The following GRXCR2 variants were observed in gnomAD, a reference collection of about 807,000 sequenced individuals.
The protein encoded by GRXCR2 is glutaredoxin domain-containing cysteine-rich protein 2.
Under a neutral mutation model 24.8 loss-of-function variants are expected in GRXCR2, and 23 were observed. The ratio of observed to expected loss-of-function variants is 0.93; its 90% CI spans 0.67 to 1.32. The LOEUF (loss-of-function observed/expected upper bound fraction) is 1.32. GRXCR2 is among the 40% of genes most tolerant of loss of function. The probability of loss-of-function intolerance (pLI) is 0.00; values close to 1 mark genes in which losing one functional copy is unlikely to be tolerated. For synonymous variants in GRXCR2, 130 were observed against 116.1 expected, an observed-to-expected ratio of 1.12 and a Z score of -0.77; for missense variants, 315 against 303.4, an observed-to-expected ratio of 1.04 and a Z score of -0.28.
chr5:145,867,545 TG>T (rs1756457772), intron 1 of GRXCR2, among the ~76,000 whole-genome samples: 9 of 152,230 alleles, frequency 5.9e-5, no homozygotes, highest in African/African-American at 2.4e-5. Flanking sequence ...ATTTGTCATG[TG>T]TTACTTAATC....
At chr5:145,902,610 G>A (rs547977616) in intron 2 of GRXCR2, among the ~76,000 whole-genome samples, 2 of 152,304 alleles carry the variant, frequency 1.3e-5, no homozygotes, top group East Asian at 1.9e-4. Flanking sequence ...GTGTGCTCAA[G>A]ACATGCAAAG....
intron 2 of GRXCR2, among the ~76,000 whole-genome samples, chr5:145,888,827 A>G (rs548807788): frequency 2.6e-5 from 4 of 152,294 alleles, no homozygotes; most frequent in African/African-American, 9.6e-5. Context: ...GTATAGCTTT[A>G]CAACTTCATT....
intron 2 of GRXCR2, among the ~76,000 whole-genome samples, chr5:145,916,691 C>A (rs1757246036): frequency 6.6e-6 from 1 of 152,130 alleles, no homozygotes; most frequent in Non-Finnish European, 1.5e-5. Flanking sequence ...AGCTATCAGG[C>A]CTGGGTTCAA....
intron 2 of GRXCR2, among the ~76,000 whole-genome samples, chr5:145,921,221 G>A (rs545636999): frequency 1.3e-4 from 20 of 152,276 alleles, no homozygotes; most frequent in South Asian, 4.1e-4. Context: ...TTTAAATCCT[G>A]TTTAGTCTGT....
At chr5:145,905,828 G>A (rs1472349314) in intron 2 of GRXCR2, among the ~76,000 whole-genome samples, 1 of 152,136 alleles carries the variant, frequency 6.6e-6, no homozygotes, top group African/African-American at 2.4e-5. Flanking sequence ...CTTAATAAGT[G>A]TTATAGATGT....
chr5:145,862,782 A>G (rs1385976207), intron 2 of GRXCR2, among the ~76,000 whole-genome samples: 1 of 152,180 alleles, frequency 6.6e-6, no homozygotes, highest in Non-Finnish European at 1.5e-5. Flanking sequence ...ACTGGCTCTA[A>G]TGATCTCTGG....
intron 2 of GRXCR2, among the ~76,000 whole-genome samples, chr5:145,927,592 G>T (rs995136265): frequency 2.0e-5 from 3 of 152,140 alleles, no homozygotes; most frequent in African/African-American, 7.2e-5. Context: ...CTTGATCATG[G>T]TAGATAAGCT....
intron 2 of GRXCR2, among the ~76,000 whole-genome samples, chr5:145,893,724 C>A (rs972954807): frequency 6.6e-6 from 1 of 152,110 alleles, no homozygotes. Context: ...GACAGATCAA[C>A]AAGACATAAA....
chr5:145,862,637 G>C (rs1756358959), intron 2 of GRXCR2, among the ~76,000 whole-genome samples: 1 of 152,126 alleles, frequency 6.6e-6, no homozygotes. Context: ...CCATGACCAA[G>C]AAGAGGGGCC....
upstream of GRXCR2, among the ~76,000 whole-genome samples, chr5:145,875,650 A>G (rs545193307): frequency 3.9e-5 from 6 of 152,296 alleles, no homozygotes; most frequent in South Asian, 1.2e-3. Flanking sequence ...TTCCCTGTGT[A>G]ACTGGTACAG....
chr5:145,902,599 T>C (rs376807089), intron 2 of GRXCR2, among the ~76,000 whole-genome samples: 1 of 152,196 alleles, frequency 6.6e-6, no homozygotes, highest in Non-Finnish European at 1.5e-5. Context: ...AGGGGGTAGA[T>C]GTGTGCTCAA....
intron 1 of GRXCR2, among the ~76,000 whole-genome samples, chr5:145,867,500 G>A (rs1180236180): frequency 4.6e-5 from 7 of 152,174 alleles, no homozygotes; most frequent in Non-Finnish European, 4.4e-5. Flanking sequence ...GACTTCTAAA[G>A]CATCATTATT....
At chr5:145,923,169 C>A (rs1266705871) in intron 2 of GRXCR2, among the ~76,000 whole-genome samples, 1 of 152,158 alleles carries the variant, frequency 6.6e-6, no homozygotes, top group Non-Finnish European at 1.5e-5. Context: ...CTGGATGGGG[C>A]CTATGCACTT....
At chr5:145,905,605 GA>G (rs1156591911) in intron 2 of GRXCR2, among the ~76,000 whole-genome samples, 30 of 152,194 alleles carry the variant, frequency 2.0e-4, no homozygotes, top group African/African-American at 7.0e-4. Flanking sequence ...GCTGCTTCAA[GA>G]GAGGAAATAA....
rs556716656 is a variant in GRXCR2, at chr5:145,864,563, C to G, written c.564+1938G>C. Among the ~76,000 whole-genome samples the G allele has an allele frequency of 4.3e-3, 650 of 152,176 alleles. 5 individuals are homozygous for G. The highest frequency in any genetic ancestry group is 7.0e-3 in the Non-Finnish European group (475 of 68,010). On this transcript the variant is annotated intron_variant, in intron 2 of 2. Transcript: ENST00000377976. ...GGGGCAGTTTCCCTCATGCTGTTCT[C>G]GTGATAAGTGAGTTCTCACCAGAGC... is the stretch of plus-strand genomic sequence containing the variant.
chr5:145,922,452 A>G (rs1024902383), intron 2 of GRXCR2, among the ~76,000 whole-genome samples: 1 of 152,186 alleles, frequency 6.6e-6, no homozygotes, highest in Non-Finnish European at 1.5e-5. Context: ...ACACTGGTTC[A>G]TGATGGTCTA....
intron 1 of GRXCR2, 72 bp downstream of exon 1, chr5:145,872,561 A>G: frequency 1.3e-5 from 17 of 1,314,740 alleles, no homozygotes; most frequent in Non-Finnish European, 1.8e-5. Flanking sequence ...AATCTGAACC[A>G]TTTAGGAGTT....
intron 2 of GRXCR2, among the ~76,000 whole-genome samples, chr5:145,901,095 T>G (rs2149922503): frequency 6.9e-6 from 1 of 145,872 alleles, no homozygotes; most frequent in South Asian, 2.2e-4. Flanking sequence ...AAGGTAAATA[T>G]CAGATATTCA....
intron 2 of GRXCR2, among the ~76,000 whole-genome samples, chr5:145,864,929 G>T (rs1756402725): frequency 6.6e-6 from 1 of 152,166 alleles, no homozygotes. Flanking sequence ...TTTTGCTAGA[G>T]TCCCAGTTGC....
Sources: gnomAD v4.1 joint callset for allele counts (sites outside exome capture counted in the v4.1 genomes callset) on GRCh38, gnomAD v4.1.1 for gene constraint, MANE v1.5 for transcripts, NCBI Gene and HGNC (gene_info 2026-07-23, HGNC 2026-07-21) for gene names.